Variants in TJP2 observed in about 807,000 individuals in gnomAD.
TJP2 encodes tight junction protein 2.
TJP2 carries 91 observed loss-of-function variants against 133.1 expected under a neutral mutation model. The observed-to-expected ratio is 0.68, with a 90% CI of 0.58 to 0.81. TJP2 has a LOEUF of 0.81. Among genes scored for constraint, TJP2 ranks in the 40% least tolerant of loss-of-function variants. The probability of loss-of-function intolerance (pLI) is 0.00; values close to 1 mark genes in which losing one functional copy is unlikely to be tolerated. For missense variants in TJP2, 1,541 were observed against 1,565.6 expected (o/e 0.98, Z 0.26); for synonymous variants, 592 against 583.4 (o/e 1.01, Z -0.21).
At chr9:69,218,231 G>A in intron 3 of TJP2, 26 bp from the exon 4 acceptor site, 1 of 1,554,000 alleles carries the variant, frequency 6.4e-7, no homozygotes, top group Non-Finnish European at 8.9e-7. Context: ...AGTTTTTCAT[G>A]ACCCATTTTT....
exon 2 of TJP2, chr9:69,151,719 G>T: frequency 8.1e-7 from 1 of 1,232,110 alleles, no homozygotes; most frequent in Non-Finnish European, 1.0e-6. Context: ...AGCTCCAGGA[G>T]CAAGTACTCC....
chr9:69,130,054 G>T (rs1291243174), intron 1 of TJP2, among the ~76,000 whole-genome samples: 1 of 149,664 alleles, frequency 6.7e-6, no homozygotes, highest in Non-Finnish European at 1.5e-5. Context: ...AAAAGAAAAA[G>T]AAAGTAAAAA....
chr9:69,150,094 G>C (rs1273042932), intron 1 of TJP2, among the ~76,000 whole-genome samples: 2 of 151,944 alleles, frequency 1.3e-5, no homozygotes, highest in Non-Finnish European at 2.9e-5. Context: ...TGGTTGCAGT[G>C]AGCCGAGATT....
chr9:69,209,231 C>T (rs1262397632), intron 1 of TJP2, among the ~76,000 whole-genome samples: 1 of 152,142 alleles, frequency 6.6e-6, no homozygotes, highest in Non-Finnish European at 1.5e-5. Flanking sequence ...CTCCCAGGTT[C>T]AAGTGATTCT....
chr9:69,221,306 C>T lies in TJP2; in HGVS notation c.762C>T (p.His254=). 4 of 1,605,458 alleles carry T rather than the reference C, an allele frequency of 2.5e-6. No homozygotes were observed. Among genetic ancestry groups the T allele is most frequent in the Non-Finnish European group, 3.4e-6 (4 of 1,176,354 alleles). ...ACCAGGACTACGAGCGAGCCTATCA[C>T]CGGGCCTACGACCCAGACTACGAGC... ...SIDQDYERAY[H]RAYDPDYERA... is the part of the protein sequence containing the mutation. Residue 254 remains histidine (H), a synonymous_variant, in exon 5 of 23, where the codon CAC becomes CAT. Transcript: ENST00000377245.
At chr9:69,186,332 G>A (rs58812039) in intron 1 of TJP2, among the ~76,000 whole-genome samples, 2,985 of 152,238 alleles carry the variant, frequency 0.02, 87 homozygotes, top group African/African-American at 0.068. Flanking sequence ...TACTACTTCC[G>A]AAGGCTCCTT....
intron 18 of TJP2, 84 bp from the exon 19 acceptor site, chr9:69,247,928 G>T: frequency 1.5e-6 from 2 of 1,371,968 alleles, no homozygotes; most frequent in Non-Finnish European, 2.0e-6. Flanking sequence ...CAGTCGCTTG[G>T]CTGTGTCCTT....
intron 1 of TJP2, among the ~76,000 whole-genome samples, chr9:69,194,900 A>C (rs187232712): frequency 6.6e-6 from 1 of 152,200 alleles, no homozygotes; most frequent in Non-Finnish European, 1.5e-5. Context: ...CTAATAGGAA[A>C]GGCATGTGTT....
At chr9:69,183,320 CTT>C (rs1297431681) in intron 1 of TJP2, among the ~76,000 whole-genome samples, 1 of 152,190 alleles carries the variant, frequency 6.6e-6, no homozygotes, top group African/African-American at 2.4e-5. Context: ...AAGGTTCTCT[CTT>C]GCCACTTTTC....
At chr9:69,171,611 C>T (rs1327943644), upstream of TJP2, among the ~76,000 whole-genome samples, 1 of 152,088 alleles carries the variant, frequency 6.6e-6, no homozygotes, top group Non-Finnish European at 1.5e-5. Flanking sequence ...TCTGGAAAGC[C>T]TTCCCTAAGT....
At chr9:69,208,991 G>A (rs1827647699) in intron 1 of TJP2, among the ~76,000 whole-genome samples, 1 of 152,138 alleles carries the variant, frequency 6.6e-6, no homozygotes, top group African/African-American at 2.4e-5. Flanking sequence ...TGCTCATAAG[G>A]TCATTTCTGG....
In TJP2 at chr9:69,254,217, C is replaced by T. The variant is rs561570829; in HGVS notation, c.3416C>T (p.Pro1139Leu). 3 of 1,614,176 alleles carry T rather than the reference C, an allele frequency of 1.9e-6. No homozygotes were observed. In the African/African-American group the frequency reaches 4.0e-5, roughly 22 times the overall value. Residue 1139 changes from proline to leucine, a missense_variant, in exon 23 of 23, where the codon CCC becomes CTC. Pro to Leu is a moderately conservative substitution (Grantham distance 98). Transcript: ENST00000377245. ...PGTPQHTSSR[P>L]PEPQKAPSRP... Reference sequence around the variant, plus strand: ...CACCCTTTTTTTGTTAGTTCCAGACCCCCTGAGCCACAGAAAGCTCCTTCC... The same window carrying T: ...CACCCTTTTTTTGTTAGTTCCAGACTCCCTGAGCCACAGAAAGCTCCTTCC...
chr9:69,188,272 C>A (rs768621187), intron 1 of TJP2, among the ~76,000 whole-genome samples: 1 of 151,952 alleles, frequency 6.6e-6, no homozygotes, highest in Non-Finnish European at 1.5e-5. Context: ...TGGTGGTAGG[C>A]CCTTGGTGTA....
intron 1 of TJP2, among the ~76,000 whole-genome samples, chr9:69,137,296 TTTC>T (rs1330831460): frequency 9.8e-5 from 4 of 40,846 alleles, no homozygotes; most frequent in Non-Finnish European, 2.1e-4. Flanking sequence ...TCTTTCTTTC[TTTC>T]TTTTCTTTTC....
chr9:69,181,111 G>C (rs1825463946), intron 1 of TJP2, among the ~76,000 whole-genome samples: 1 of 152,056 alleles, frequency 6.6e-6, no homozygotes, highest in Non-Finnish European at 1.5e-5. Flanking sequence ...ATTTCATCCA[G>C]AGAATTTTGT....
intron 11 of TJP2, among the ~76,000 whole-genome samples, chr9:69,233,466 A>C (rs1307979171): frequency 1.3e-5 from 2 of 152,228 alleles, no homozygotes; most frequent in East Asian, 3.8e-4. Flanking sequence ...CTGTTTTAAA[A>C]TAGGCTGAAA....
chr9:69,208,711 A>AT (rs199590552), intron 1 of TJP2, among the ~76,000 whole-genome samples: 14 of 152,090 alleles, frequency 9.2e-5, no homozygotes, highest in Non-Finnish European at 2.1e-4. Flanking sequence ...GATATTCAAC[A>AT]TTTTTTTGGT....
intron 1 of TJP2, among the ~76,000 whole-genome samples, chr9:69,194,267 T>A (rs999674500): frequency 6.6e-6 from 1 of 152,200 alleles, no homozygotes; most frequent in South Asian, 2.1e-4. Context: ...AAATAAGTAC[T>A]ATTTTTTTCT....
chr9:69,227,878 G>A lies in TJP2; in HGVS notation c.1319+5G>A. On this transcript the variant is annotated splice_donor_5th_base_variant and intron_variant, in intron 8 of 22. Coordinates refer to ENST00000377245, the MANE Select transcript of TJP2 (RefSeq NM_004817.4). ...GAAGCTGAAGGAAAGGCCAAGGTAA[G>A]ATGACATGAATATTCTCTTGTACAT... The A allele has an allele frequency of 6.2e-7, 1 of 1,612,310 alleles. No homozygotes were observed. Among genetic ancestry groups the A allele is most frequent in the Non-Finnish European group, 8.5e-7 (1 of 1,178,318 alleles).
Sources: allele counts gnomAD v4.1 joint callset (sites outside exome capture counted in the v4.1 genomes callset), GRCh38; gene constraint gnomAD v4.1.1; transcripts MANE v1.5; gene names NCBI Gene and HGNC (gene_info 2026-07-23, HGNC 2026-07-21).